LRRC4C: variants seen among roughly 807,000 people sequenced by gnomAD.
The protein encoded by LRRC4C is leucine rich repeat containing 4C, also known as leucine-rich repeat-containing protein 4C.
In LRRC4C, 5 loss-of-function variants were observed where a neutral mutation model predicts 33.6. The observed-to-expected ratio is 0.15, with a 90% CI of 0.08 to 0.31. The LOEUF (loss-of-function observed/expected upper bound fraction) is 0.31, where lower values mean the gene tolerates loss of function less well. Among genes scored for constraint, LRRC4C ranks in the 10% least tolerant of loss-of-function variants. LRRC4C has a pLI of 1.00. For missense variants in LRRC4C, 560 were observed against 796.7 expected, an observed-to-expected ratio of 0.70 and a Z score of 3.58; for synonymous variants, 329 against 302.0, an observed-to-expected ratio of 1.09 and a Z score of -0.93.
intron 1 of LRRC4C, among the ~76,000 whole-genome samples, chr11:41,074,717 C>T (rs1273915580): frequency 6.6e-6 from 1 of 152,126 alleles, no homozygotes; most frequent in African/African-American, 2.4e-5. Flanking sequence ...ATCTGGAGTC[C>T]ATAGAAAGTC....
chr11:41,003,479 C>T (rs547579826), intron 1 of LRRC4C, among the ~76,000 whole-genome samples: 11 of 152,160 alleles, frequency 7.2e-5, no homozygotes, highest in Non-Finnish European at 1.2e-4. Flanking sequence ...TTGGGGAATA[C>T]GGTATGGAGG....
rs528270490 is a variant in LRRC4C, at chr11:41,458,923, T to A, written c.-496+508A>T. ...TTTCTGTATTCCACGCATTCGCTAC[T>A]CTCTAGAGCAGATATAACTATTCAA... is the stretch of plus-strand genomic sequence containing the variant. On this transcript the variant is annotated intron_variant, in intron 1 of 6. Coordinates refer to ENST00000528697, the MANE Select transcript of LRRC4C (RefSeq NM_001258419.2). Among the ~76,000 whole-genome samples, 10 of 152,018 alleles carry A rather than the reference T, an allele frequency of 6.6e-5. No individual in the cohort carries two copies. In the East Asian group the frequency reaches 1.2e-3, roughly 18 times the overall value.
intron 2 of LRRC4C, among the ~76,000 whole-genome samples, chr11:40,734,806 A>C (rs1489192149): frequency 1.3e-5 from 2 of 152,158 alleles, no homozygotes; most frequent in Non-Finnish European, 2.9e-5. Context: ...GGAATTAAGG[A>C]ATACCTAAAG....
intron 1 of LRRC4C, among the ~76,000 whole-genome samples, chr11:41,098,071 G>A (rs1018175050): frequency 6.6e-6 from 1 of 152,088 alleles, no homozygotes; most frequent in African/African-American, 2.4e-5. Flanking sequence ...AGAGACTCTG[G>A]AGGTGAAGAG....
chr11:40,984,411 GAAA>G (rs1852831534), intron 1 of LRRC4C, among the ~76,000 whole-genome samples: 1 of 83,738 alleles, frequency 1.2e-5, no homozygotes, highest in Non-Finnish European at 3.1e-5. Context: ...AAGAAAGAAA[GAAA>G]GAGAAAGAAA....
chr11:40,722,555 C>A (rs1032198247), intron 2 of LRRC4C, among the ~76,000 whole-genome samples: 4 of 152,186 alleles, frequency 2.6e-5, no homozygotes, highest in African/African-American at 7.2e-5. Flanking sequence ...ACATACACTG[C>A]AGTCAAACAC....
intron 3 of LRRC4C, among the ~76,000 whole-genome samples, chr11:40,537,727 GAT>G (rs376256431): frequency 6.6e-6 from 1 of 151,668 alleles, no homozygotes; most frequent in African/African-American, 2.4e-5. Flanking sequence ...AAAAACCCAT[GAT>G]ATATATATAT....
intron 3 of LRRC4C, among the ~76,000 whole-genome samples, chr11:40,507,289 C>T (rs116932423): frequency 0.017 from 2,565 of 151,830 alleles, 38 homozygotes; most frequent in South Asian, 0.033. Context: ...ACTGCAAATC[C>T]GGAAGAAAAG....
At chr11:41,070,715 A>G (rs1300270525) in intron 1 of LRRC4C, among the ~76,000 whole-genome samples, 1 of 152,232 alleles carries the variant, frequency 6.6e-6, no homozygotes, top group Non-Finnish European at 1.5e-5. Flanking sequence ...CCATAATGAG[A>G]TAACATTTCA....
chr11:41,039,164 C>A (rs1245640197), intron 1 of LRRC4C, among the ~76,000 whole-genome samples: 1 of 152,084 alleles, frequency 6.6e-6, no homozygotes. Context: ...CAGTTATGGA[C>A]TCCACAGGGG....
At chr11:40,136,222 TA>T (rs776749981) in intron 6 of LRRC4C, among the ~76,000 whole-genome samples, 502 of 141,420 alleles carry the variant, frequency 3.5e-3, no homozygotes, top group Middle Eastern at 7.6e-3. Context: ...CCTGGTCTCC[TA>T]AAAAAAAAAA....
intron 1 of LRRC4C, among the ~76,000 whole-genome samples, chr11:41,151,182 A>G (rs997832780): frequency 6.6e-5 from 10 of 152,176 alleles, no homozygotes; most frequent in African/African-American, 2.2e-4. Flanking sequence ...CTACCCATTA[A>G]TGCCATAGGA....
chr11:40,753,920 G>T (rs879818003), intron 2 of LRRC4C, among the ~76,000 whole-genome samples: 2 of 151,262 alleles, frequency 1.3e-5, no homozygotes, highest in Non-Finnish European at 1.5e-5. Context: ...ATGATAAAAA[G>T]ATAAAAAATA....
At chr11:41,294,132 T>C (rs1238489271) in intron 1 of LRRC4C, among the ~76,000 whole-genome samples, 9 of 152,160 alleles carry the variant, frequency 5.9e-5, no homozygotes, top group African/African-American at 1.4e-4. Flanking sequence ...CTATAGACAG[T>C]TTAGAGTTAT....
At chr11:41,349,653 C>A (rs558928304) in intron 1 of LRRC4C, among the ~76,000 whole-genome samples, 31 of 152,070 alleles carry the variant, frequency 2.0e-4, no homozygotes, top group African/African-American at 7.5e-4. Context: ...CATACACAAG[C>A]AAAAAGCCCC....
chr11:40,479,030 G>T (rs1406718095), intron 3 of LRRC4C, among the ~76,000 whole-genome samples: 2 of 152,006 alleles, frequency 1.3e-5, no homozygotes, highest in Non-Finnish European at 1.5e-5. Context: ...ATCCATATTT[G>T]TTTTTATTAA....
At chr11:40,239,736 T>C (rs552364521) in intron 5 of LRRC4C, among the ~76,000 whole-genome samples, 1 of 152,326 alleles carries the variant, frequency 6.6e-6, no homozygotes, top group East Asian at 1.9e-4. Context: ...AAGCCGAATG[T>C]TTTCTCAACA....
chr11:40,401,163 T>C (rs889219966), intron 3 of LRRC4C, among the ~76,000 whole-genome samples: 4 of 129,364 alleles, frequency 3.1e-5, no homozygotes, highest in Non-Finnish European at 5.2e-5. Context: ...ATAGGCTTAA[T>C]TATTAAAAAA....
intron 2 of LRRC4C, among the ~76,000 whole-genome samples, chr11:40,867,747 G>A (rs1327694782): frequency 6.6e-6 from 1 of 152,128 alleles, no homozygotes. Flanking sequence ...TAAATTGGAG[G>A]CTAATCTAAA....
Sources: allele counts gnomAD v4.1 joint callset (sites outside exome capture counted in the v4.1 genomes callset), GRCh38; gene constraint gnomAD v4.1.1; transcripts MANE v1.5; gene names NCBI Gene and HGNC (gene_info 2026-07-23, HGNC 2026-07-21).